MCCC1: variants seen among roughly 807,000 people sequenced by gnomAD.
The protein encoded by MCCC1 is methylcrotonoyl-CoA carboxylase subunit alpha, mitochondrial.
Under a neutral mutation model 83.8 loss-of-function variants are expected in MCCC1, and 64 were observed. The ratio of observed to expected loss-of-function variants is 0.76; its 90% CI spans 0.62 to 0.94. The LOEUF (loss-of-function observed/expected upper bound fraction) is 0.94. Among genes scored for constraint, MCCC1 ranks in the 40% least tolerant of loss-of-function variants. MCCC1 has a pLI of 0.00. For missense variants in MCCC1, 807 were observed against 904.7 expected (o/e 0.89, Z 1.39); for synonymous variants, 322 against 315.4 (o/e 1.02, Z -0.22).
chr3:183,065,561 T>TTTTTG (rs375276576), intron 7 of MCCC1, among the ~76,000 whole-genome samples: 3,248 of 152,288 alleles, frequency 0.021, 122 homozygotes, highest in African/African-American at 0.074. Context: ...AAATGCGTTT[T>TTTTTG]TTTTGTTTTG....
chr3:183,021,420 A>C lies in MCCC1; in HGVS notation c.1869+997T>G, dbSNP rs560997905. 9.9e-5 allele frequency among the ~76,000 whole-genome samples: 15 copies of C among 152,246 alleles called. No homozygotes were observed. The South Asian group carries it at 3.1e-3, about 32-fold the overall frequency. The stretch of plus-strand genomic sequence containing the variant: ...TAAAATTTTTTGTAGAGATGGGGTT[A>C]TGTTACCCAGACTGGTCTCAAACTC... On this transcript the variant is annotated intron_variant, in intron 16 of 18. Coordinates refer to ENST00000265594, the MANE Select transcript of MCCC1 (RefSeq NM_020166.5).
intron 7 of MCCC1, among the ~76,000 whole-genome samples, chr3:183,062,974 T>C (rs1296679067): frequency 3.3e-5 from 5 of 151,898 alleles, no homozygotes; most frequent in Non-Finnish European, 5.9e-5. Context: ...TCCTAACATA[T>C]CCATTTTCCT....
At chr3:183,103,821 G>C (rs969398001), upstream of MCCC1, among the ~76,000 whole-genome samples, 1 of 152,190 alleles carries the variant, frequency 6.6e-6, no homozygotes, top group African/African-American at 2.4e-5. Flanking sequence ...GGAAGGCTCG[G>C]GCCGCACAAG....
intron 1 of MCCC1, among the ~76,000 whole-genome samples, chr3:183,113,175 G>A (rs1211232764): frequency 6.8e-6 from 1 of 147,450 alleles, no homozygotes; most frequent in African/African-American, 2.5e-5. Context: ...AGTGAGCCGA[G>A]ATGGCTCCAC....
intron 1 of MCCC1, among the ~76,000 whole-genome samples, chr3:183,110,238 C>A (rs1280744611): frequency 6.6e-6 from 1 of 152,078 alleles, no homozygotes; most frequent in Non-Finnish European, 1.5e-5. Flanking sequence ...TGTAGAAGCT[C>A]TGTAGTTTAA....
rs149905883 is a variant in MCCC1 at position 183,086,731 on chromosome 3, C to T, written c.331G>A (p.Glu111Lys). 6.2e-7 allele frequency: 1 copy of T among 1,614,044 alleles called. No individual in the cohort carries two copies. The highest frequency in any genetic ancestry group is 1.3e-5 in the African/African-American group (1 of 74,930). The change falls in exon 4 of 19, where the codon GAG (glutamate) becomes AAG (lysine). Residue 111 changes from glutamate (E) to lysine (K), a missense_variant. Coordinates refer to ENST00000265594, the MANE Select transcript of MCCC1 (RefSeq NM_020166.5). ...GTCTTGGCCACTTGAATGATTTTCT[C>T]CATAGATAGGTAGCTCTGCTGGGAG... ...APSQQSYLSMEKIIQVAKTSA... is the reference protein window; with the variant it reads ...APSQQSYLSMKKIIQVAKTSA...
rs952558936 is a variant in MCCC1, at chr3:183,064,086, T to C, written c.762-6664A>G. On this transcript the variant is annotated intron_variant, in intron 7 of 18. Transcript: ENST00000265594. The surrounding 1 kb of genome is among the most constrained non-coding windows in gnomAD (Gnocchi z 4.5). ...GGGGCTCCTCTCAGTAAAATCCCTCTCGGCTAAGAATGGGTTTGGCACTAT... is the reference window on the plus strand; with the variant it reads ...GGGGCTCCTCTCAGTAAAATCCCTCCCGGCTAAGAATGGGTTTGGCACTAT... 2.0e-5 allele frequency among the ~76,000 whole-genome samples: 3 copies of C among 152,262 alleles called. No homozygotes were observed. Among genetic ancestry groups the C allele is most frequent in the Admixed American group, 2.0e-4 (3 of 15,292 alleles).
intron 3 of MCCC1, among the ~76,000 whole-genome samples, chr3:183,090,138 G>C (rs1006730798): frequency 1.3e-5 from 2 of 152,258 alleles, no homozygotes; most frequent in Admixed American, 1.3e-4. Context: ...CTGGTAGATG[G>C]GTAGGGTCCA....
At chr3:183,096,026 A>G (rs535430352) in intron 1 of MCCC1, among the ~76,000 whole-genome samples, 4 of 152,312 alleles carry the variant, frequency 2.6e-5, no homozygotes, top group South Asian at 2.1e-4. Context: ...TATAACGTCT[A>G]TTAAGTTTCA....
Position 183,111,740 on chromosome 3 carries a change from C to T in MCCC1, c.-102+3734G>A, listed in dbSNP as rs1719495394. ...AAGCGTTTTAAATTTAAACCTTCTC[C>T]AAATGAAGTCATTCATATAGTCCCA... is the stretch of plus-strand genomic sequence containing the variant. On this transcript the variant is annotated intron_variant, in intron 1 of 17. Transcript: ENST00000492597. 2.0e-5 allele frequency among the ~76,000 whole-genome samples: 3 copies of T among 152,178 alleles called. No individual in the cohort carries two copies. In the South Asian group the frequency reaches 6.2e-4, roughly 31 times the overall value.
chr3:183,017,709 C>G (rs925937512), intron 17 of MCCC1: 4 of 269,912 alleles, frequency 1.5e-5, no homozygotes, highest in African/African-American at 2.3e-5. Context: ...CAGAGGCTTA[C>G]AGCCCAAATG....
chr3:183,030,936 G>A (rs548133942), intron 14 of MCCC1, among the ~76,000 whole-genome samples: 233 of 152,208 alleles, frequency 1.5e-3, no homozygotes, highest in African/African-American at 5.3e-3. Flanking sequence ...TATAAAATAC[G>A]ACATGTATTT....
intron 8 of MCCC1, among the ~76,000 whole-genome samples, chr3:183,052,654 A>C (rs974644857): frequency 6.9e-6 from 1 of 145,240 alleles, no homozygotes; most frequent in African/African-American, 2.5e-5. Flanking sequence ...TAAAAATACA[A>C]AGAAAATTAG....
rs1040074006 is a variant in MCCC1 at position 183,071,111 on chromosome 3, T to A, written c.649A>T (p.Ile217Phe). The change falls in exon 7 of 19, where the codon ATT (isoleucine) becomes TTT (phenylalanine). Residue 217 changes from isoleucine (I) to phenylalanine (F), a missense_variant. By Grantham distance (21) the Ile-to-Phe change is conservative. Transcript: ENST00000265594. ...TGAAATTCTTGTTCTGATCTAACAA[T>A]CCTCATTCCCTAAGAGAGAAAAGAT... ...VRGGGGKGMR[I>F]VRSEQEFQEQ... The A allele has an allele frequency of 6.2e-7, 1 of 1,614,104 alleles. No homozygotes were observed. The highest frequency in any genetic ancestry group is 1.7e-5 in the Admixed American group (1 of 60,004).
chr3:183,056,294 A>G (rs1175602684), intron 8 of MCCC1, among the ~76,000 whole-genome samples: 1 of 152,182 alleles, frequency 6.6e-6, no homozygotes, highest in Non-Finnish European at 1.5e-5. Context: ...GGTATAAGAA[A>G]AATGTATTGA....
At chr3:183,075,979 T>G (rs143479888) in intron 4 of MCCC1, among the ~76,000 whole-genome samples, 1 of 152,220 alleles carries the variant, frequency 6.6e-6, no homozygotes. Context: ...TTATATAAAA[T>G]GGTCAAACAT....
At chr3:183,034,334 C>T (rs901019681) in intron 13 of MCCC1, among the ~76,000 whole-genome samples, 15 of 151,770 alleles carry the variant, frequency 9.9e-5, no homozygotes, top group African/African-American at 3.1e-4. Context: ...GCCTCTAGTC[C>T]CAGCTACTCT....
chr3:183,015,774 A>T (rs748201180), intron 18 of MCCC1, among the ~76,000 whole-genome samples: 1 of 152,156 alleles, frequency 6.6e-6, no homozygotes, highest in Non-Finnish European at 1.5e-5. Context: ...AGTTGAGAGG[A>T]ATGAACACTG....
At chr3:183,057,986 C>T (rs944779424) in intron 7 of MCCC1, among the ~76,000 whole-genome samples, 1 of 151,898 alleles carries the variant, frequency 6.6e-6, no homozygotes, top group African/African-American at 2.4e-5. Context: ...ACTTCTCCAA[C>T]CTAAAGGAGA....
Sources: gnomAD v4.1 joint callset for allele counts (sites outside exome capture counted in the v4.1 genomes callset) on GRCh38, gnomAD v4.1.1 for gene constraint, Gnocchi (gnomAD v3.1) non-coding constraint, MANE v1.5 for transcripts, NCBI Gene and HGNC (gene_info 2026-07-23, HGNC 2026-07-21) for gene names.